Variants in MCTP1 observed in about 807,000 individuals in gnomAD.
MCTP1 encodes multiple C2 and transmembrane domain-containing protein 1.
In MCTP1, 69 loss-of-function variants were observed where a neutral mutation model predicts 120.6. The observed-to-expected ratio is 0.57, with a 90% CI of 0.47 to 0.70. The LOEUF (loss-of-function observed/expected upper bound fraction) is 0.70. Ranked by LOEUF, MCTP1 falls within the 30% of genes least tolerant of loss-of-function variation. The pLI, the probability that MCTP1 is intolerant of heterozygous loss-of-function variation, is 0.00. For synonymous variants in MCTP1, 529 were observed against 493.1 expected (o/e 1.07, Z -0.96); for missense variants, 1,203 against 1,248.8 (o/e 0.96, Z 0.55).
intron 1 of MCTP1, among the ~76,000 whole-genome samples, chr5:95,184,459 C>T (rs530916358): frequency 6.6e-6 from 1 of 152,300 alleles, no homozygotes; most frequent in African/African-American, 2.4e-5. Flanking sequence ...TGAAAGAAAT[C>T]AGACCTAACC....
intron 7 of MCTP1, among the ~76,000 whole-genome samples, chr5:94,923,235 T>A (rs573118654): frequency 1.3e-5 from 2 of 152,332 alleles, no homozygotes; most frequent in South Asian, 4.1e-4. Context: ...ATTTTCATTG[T>A]AATATCTATT....
chr5:94,744,763 G>A (rs560810535), intron 19 of MCTP1, among the ~76,000 whole-genome samples: 2 of 152,214 alleles, frequency 1.3e-5, no homozygotes, highest in African/African-American at 4.8e-5. Context: ...CGCCCGTCTC[G>A]GCCTCCAACG....
intron 1 of MCTP1, among the ~76,000 whole-genome samples, chr5:95,154,736 T>C (rs1162673508): frequency 6.6e-6 from 1 of 152,088 alleles, no homozygotes; most frequent in Non-Finnish European, 1.5e-5. Context: ...AGAAAGCCAA[T>C]AAAACTAGAC....
chr5:95,001,546 C>T (rs570924507), intron 2 of MCTP1, among the ~76,000 whole-genome samples: 18 of 152,160 alleles, frequency 1.2e-4, no homozygotes, highest in African/African-American at 3.9e-4. Flanking sequence ...GAGGTGGTCT[C>T]AGATGGAAAT....
chr5:94,895,580 T>C (rs1388812862), intron 10 of MCTP1, among the ~76,000 whole-genome samples: 2 of 152,104 alleles, frequency 1.3e-5, no homozygotes, highest in African/African-American at 4.8e-5. Context: ...CAGGCATGAG[T>C]GAAAGGCATT....
intron 1 of MCTP1, among the ~76,000 whole-genome samples, chr5:95,236,236 A>G (rs1472229862): frequency 6.6e-6 from 1 of 152,202 alleles, no homozygotes; most frequent in African/African-American, 2.4e-5. Context: ...AAAATGCTTT[A>G]AGGTAATTTA....
intron 1 of MCTP1, among the ~76,000 whole-genome samples, chr5:95,027,994 T>C (rs1286163432): frequency 6.6e-6 from 1 of 152,204 alleles, no homozygotes; most frequent in Non-Finnish European, 1.5e-5. Context: ...TCCACAGTTC[T>C]GTGTGATGCT....
At position 95,203,138 on chromosome 5, in the gene MCTP1, A is replaced by C. The variant is rs114328174; in HGVS notation, c.720+80718T>G. Among the ~76,000 whole-genome samples, 1,115 of 152,312 alleles carry C rather than the reference A, an allele frequency of 7.3e-3. 14 individuals are homozygous for C. Among genetic ancestry groups the C allele is most frequent in the African/African-American group, 0.025 (1,051 of 41,566 alleles). ...GCTTTAGAATCTTGGACTAACATTC[A>C]CCTGACTGAACAATAATTCTGATTG... On this transcript the variant is annotated intron_variant, in intron 1 of 22. Transcript: ENST00000515393.
intron 2 of MCTP1, among the ~76,000 whole-genome samples, chr5:94,989,357 A>G (rs564641593): frequency 6.6e-6 from 1 of 152,332 alleles, no homozygotes; most frequent in East Asian, 1.9e-4. Flanking sequence ...ATTACCACAA[A>G]TGTAGTGGCT....
At chr5:94,904,778 C>T (rs1806376083) in intron 10 of MCTP1, among the ~76,000 whole-genome samples, 1 of 152,228 alleles carries the variant, frequency 6.6e-6, no homozygotes, top group Non-Finnish European at 1.5e-5. Flanking sequence ...GCCATAATTT[C>T]CAGTGTTAAA....
chr5:94,843,386 G>C (rs1411658281), intron 17 of MCTP1, among the ~76,000 whole-genome samples: 3 of 152,126 alleles, frequency 2.0e-5, no homozygotes, highest in Non-Finnish European at 2.9e-5. Flanking sequence ...CATATGTTGT[G>C]ATCAGTTTAC....
chr5:95,204,710 T>C (rs1208392260), intron 1 of MCTP1, among the ~76,000 whole-genome samples: 5 of 152,190 alleles, frequency 3.3e-5, no homozygotes, highest in Non-Finnish European at 7.4e-5. Context: ...AATTAATTTC[T>C]ATTTGTAACC....
intron 1 of MCTP1, among the ~76,000 whole-genome samples, chr5:95,109,619 G>C (rs1372533826): frequency 6.6e-6 from 1 of 152,104 alleles, no homozygotes; most frequent in Non-Finnish European, 1.5e-5. Context: ...TTATAATGAA[G>C]AATGATGAGG....
At chr5:94,735,033 G>A (rs914970887) in intron 19 of MCTP1, among the ~76,000 whole-genome samples, 2 of 152,186 alleles carry the variant, frequency 1.3e-5, no homozygotes, top group Admixed American at 6.5e-5. Flanking sequence ...ATTGACCTGT[G>A]TGAGTGTATC....
intron 17 of MCTP1, among the ~76,000 whole-genome samples, chr5:94,855,919 G>A (rs756875852): frequency 1.7e-4 from 25 of 151,406 alleles, no homozygotes; most frequent in South Asian, 6.3e-4. Flanking sequence ...ATAAACCACC[G>A]GAAAAAATTC....
intron 2 of MCTP1, among the ~76,000 whole-genome samples, chr5:94,973,141 T>A (rs563661533): frequency 6.6e-6 from 1 of 152,300 alleles, no homozygotes; most frequent in South Asian, 2.1e-4. Flanking sequence ...ATGAGTAAAC[T>A]GGTTCAGAAA....
At chr5:94,965,652 A>G (rs1825414112) in intron 2 of MCTP1, among the ~76,000 whole-genome samples, 1 of 152,158 alleles carries the variant, frequency 6.6e-6, no homozygotes, top group African/African-American at 2.4e-5. Flanking sequence ...GAATCTGTGT[A>G]CAGAGTACTA....
intron 2 of MCTP1, among the ~76,000 whole-genome samples, chr5:94,992,283 TA>T (rs1324412571): frequency 1.3e-5 from 2 of 151,000 alleles, no homozygotes; most frequent in Non-Finnish European, 2.9e-5. Flanking sequence ...CTAAGTATAA[TA>T]ATGTTGAGGA....
At chr5:94,935,960 T>C (rs765434539) in intron 5 of MCTP1, among the ~76,000 whole-genome samples, 3 of 152,068 alleles carry the variant, frequency 2.0e-5, no homozygotes, top group African/African-American at 4.8e-5. Flanking sequence ...AACTTTAAGA[T>C]ACATTGGATC....
Sources: gnomAD v4.1 joint callset for allele counts (sites outside exome capture counted in the v4.1 genomes callset) on GRCh38, gnomAD v4.1.1 for gene constraint, MANE v1.5 for transcripts, NCBI Gene and HGNC (gene_info 2026-07-23, HGNC 2026-07-21) for gene names.